The following ING4 variants were observed in gnomAD, a reference collection of about 807,000 sequenced individuals.
ING4 encodes the protein inhibitor of growth family member 4.
ING4 carries 28 observed loss-of-function variants against 33.1 expected under a neutral mutation model. The ratio of observed to expected loss-of-function variants is 0.85; its 90% CI spans 0.63 to 1.16. The LOEUF (loss-of-function observed/expected upper bound fraction) is 1.16, where lower values mean the gene tolerates loss of function less well. Ranked by LOEUF, ING4 falls within the 50% of genes most tolerant of loss-of-function variation. The pLI is 0.00. For synonymous variants in ING4, 87 were observed against 104.4 expected (o/e 0.83, Z 1.02); for missense variants, 247 against 314.7 (o/e 0.78, Z 1.63).
intron 2 of ING4, 92 bp downstream of exon 2, chr12:6,656,635 C>A: frequency 1.3e-6 from 1 of 750,964 alleles, no homozygotes. Context: ...CACAGTTCTC[C>A]AGATCATACC....
intron 1 of ING4, 124 bp downstream of exon 1, chr12:6,662,941 C>T: frequency 9.3e-7 from 1 of 1,071,852 alleles, no homozygotes. Context: ...CCAATATTTC[C>T]TGCCACAGAA....
At chr12:6,656,156 C>T (rs1949344638) in intron 2 of ING4, among the ~76,000 whole-genome samples, 1 of 150,396 alleles carries the variant, frequency 6.6e-6, no homozygotes, top group African/African-American at 2.5e-5. Context: ...CTCGAGTTGA[C>T]TTTCTTTAAT....
chr12:6,655,796 C>T, intron 2 of ING4: 1 of 457,534 alleles, frequency 2.2e-6, no homozygotes. Flanking sequence ...GACAAGACTA[C>T]AGATCCTTCA....
chr12:6,659,405 G>C (rs1949474946), intron 1 of ING4, among the ~76,000 whole-genome samples: 1 of 152,060 alleles, frequency 6.6e-6, no homozygotes, highest in African/African-American at 2.4e-5. Context: ...TACTTGGGAG[G>C]CTGAGGCACA....
intron 6 of ING4, among the ~76,000 whole-genome samples, chr12:6,651,784 T>A (rs2365102): frequency 6.6e-6 from 1 of 151,454 alleles, no homozygotes; most frequent in Non-Finnish European, 1.5e-5. Context: ...TCAAGTGATC[T>A]GCTCACCTTG....
intron 6 of ING4, 135 bp from the exon 7 acceptor site, chr12:6,651,520 C>A (rs905943015): frequency 1.6e-5 from 11 of 686,320 alleles, no homozygotes; most frequent in Admixed American, 2.7e-5. Flanking sequence ...CCAAGGCCAA[C>A]CAGTTCCCAC....
chr12:6,652,201 A>AT lies in ING4; in HGVS notation c.645+69dup, dbSNP rs1474263160. The AT allele has an allele frequency of 1.1e-5, 17 of 1,538,026 alleles. No homozygotes were observed. The African/African-American group carries it at 1.2e-4, about 11-fold the overall frequency. On this transcript the variant is annotated intron_variant, in intron 6 of 7. Coordinates refer to ENST00000341550, the MANE Select transcript of ING4 (RefSeq NM_016162.4). ...TGAAGTCCCAGTACTCAACTGTGGG[A>AT]TTTTCCCTCTTGTACCCACTCCCTT... is the stretch of plus-strand genomic sequence containing the variant.
In ING4 at chr12:6,653,349, C is replaced by A. The variant is rs1435816007; in HGVS notation, c.157G>T (p.Ala53Ser). The A allele has an allele frequency of 1.9e-6, 3 of 1,614,176 alleles. No homozygotes were observed. The change falls in exon 3 of 8, where the codon GCC (alanine) becomes TCC (serine). Residue 53 changes from alanine (A) to serine (S), a missense_variant. Coordinates refer to ENST00000341550, the MANE Select transcript of ING4 (RefSeq NM_016162.4). ...DKLATEYMSS[A>S]RSLSSEEKLA... ...TTTTCCTCGGAGCTCAGGCTGCGGG[C>A]ACTACTCATATACTCAGTGGCCAAC...
chr12:6,653,790 C>T (rs1456087290), intron 2 of ING4, among the ~76,000 whole-genome samples: 5 of 152,314 alleles, frequency 3.3e-5, no homozygotes, highest in East Asian at 1.9e-4. Flanking sequence ...AGTTGTCTGC[C>T]GCAAATCAGG....
rs1949210586 is a variant in ING4 at position 6,652,416 on chromosome 12, CTTCT to C, written c.498-2_499del. 6.2e-7 allele frequency: 1 copy of C among 1,613,590 alleles called. No homozygotes were observed. The highest frequency in any genetic ancestry group is 1.1e-5 in the South Asian group (1 of 91,056). On this transcript the variant is annotated splice_acceptor_variant and coding_sequence_variant, in exon 6 of 8. Transcript: ENST00000341550. LOFTEE classifies it high-confidence loss of function. ...CACTGAGGGCATCCCATACTCAGGA[CTTCT>C]GCATGCCAAGAGGAAGAGAAAGTGT...
intron 2 of ING4, among the ~76,000 whole-genome samples, chr12:6,654,873 C>T (rs934702887): frequency 5.9e-5 from 9 of 151,742 alleles, no homozygotes; most frequent in Middle Eastern, 3.4e-3. Flanking sequence ...TACAGGTGTG[C>T]GCCACCACAT....
chr12:6,661,615 T>G (rs1949556612), intron 1 of ING4, among the ~76,000 whole-genome samples: 1 of 151,006 alleles, frequency 6.6e-6, no homozygotes, highest in African/African-American at 2.4e-5. Context: ...AAGTAGAGAC[T>G]GGGCTTCACC....
In ING4 at chr12:6,653,381, A is replaced by C; in HGVS notation, c.125T>G (p.Ile42Ser). The change falls in exon 3 of 8, where the codon ATT becomes AGT. Residue 42 changes from isoleucine (I) to serine (S), a missense_variant. Transcript: ENST00000341550. ...DQRTEDLKAE[I>S]DKLATEYMSS... is the part of the protein sequence containing the mutation. Reference sequence around the variant, plus strand: ...CATATACTCAGTGGCCAACTTGTCAATTTCAGCCTTCAGGTCTACAACAGA... The same window carrying C: ...CATATACTCAGTGGCCAACTTGTCACTTTCAGCCTTCAGGTCTACAACAGA... 6.2e-7 allele frequency: 1 copy of C among 1,614,100 alleles called. No homozygotes were observed. The highest frequency in any genetic ancestry group is 8.5e-7 in the Non-Finnish European group (1 of 1,180,022).
intron 1 of ING4, among the ~76,000 whole-genome samples, chr12:6,661,588 A>ATT (rs77742335): frequency 2.8e-5 from 4 of 140,848 alleles, no homozygotes; most frequent in African/African-American, 1.0e-4. Flanking sequence ...TGCCCAGCTA[A>ATT]TTTTTTTTTT....
chr12:6,657,965 T>G (rs1413457222), intron 1 of ING4: 2 of 151,456 alleles, frequency 1.3e-5, no homozygotes, highest in Non-Finnish European at 2.9e-5. Context: ...TTTCTTTTCC[T>G]TTTTTGTTTT....
chr12:6,653,110 G>A, intron 3 of ING4, 60 bp from the exon 4 acceptor site: 1 of 1,599,236 alleles, frequency 6.3e-7, no homozygotes, highest in Admixed American at 1.7e-5. Context: ...AAGAAAATAG[G>A]TTAAGGCAGA....
At chr12:6,655,735 G>T in intron 2 of ING4, 1 of 488,250 alleles carries the variant, frequency 2.0e-6, no homozygotes, top group Non-Finnish European at 3.5e-6. Flanking sequence ...ACAGCTTCAT[G>T]TATCTCAAAA....
chr12:6,660,078 A>G (rs1036775968), intron 1 of ING4, among the ~76,000 whole-genome samples: 10 of 152,344 alleles, frequency 6.6e-5, no homozygotes, highest in African/African-American at 2.2e-4. Context: ...AAGAGCAGGT[A>G]CTCAGTAAAT....
At position 6,653,347 on chromosome 12, in the gene ING4, G is replaced by A. The variant is rs758248975; in HGVS notation, c.159C>T (p.Ala53=). 2 of 1,614,142 alleles carry A rather than the reference G, an allele frequency of 1.2e-6. No homozygotes were observed. The highest frequency in any genetic ancestry group is 2.2e-5 in the East Asian group (1 of 44,882). ...ATTTTTCCTCGGAGCTCAGGCTGCG[G>A]GCACTACTCATATACTCAGTGGCCA... The part of the protein sequence containing the change: ...DKLATEYMSS[A]RSLSSEEKLA... The change falls in exon 3 of 8, where the codon GCC becomes GCT. Residue 53 remains alanine (A), a synonymous_variant. Coordinates refer to ENST00000341550, the MANE Select transcript of ING4 (RefSeq NM_016162.4).
Sources: allele counts gnomAD v4.1 joint callset (sites outside exome capture counted in the v4.1 genomes callset), GRCh38; gene constraint gnomAD v4.1.1; transcripts MANE v1.5; gene names NCBI Gene and HGNC (gene_info 2026-07-23, HGNC 2026-07-21).